SLC5A9: variants seen among roughly 807,000 people sequenced by gnomAD.
SLC5A9 encodes solute carrier family 5 member 9.
In SLC5A9, 59 loss-of-function variants were observed where a neutral mutation model predicts 70.9. That is an observed-to-expected ratio of 0.83 (90% CI 0.68 to 1.03). SLC5A9 has a LOEUF of 1.03. Among genes scored for constraint, SLC5A9 ranks in the 50% least tolerant of loss-of-function variants. The pLI is 0.00. For missense variants in SLC5A9, 832 were observed against 881.1 expected, an observed-to-expected ratio of 0.94 and a Z score of 0.71; for synonymous variants, 340 against 346.5, an observed-to-expected ratio of 0.98 and a Z score of 0.21.
At chr1:48,242,669 A>G in intron 13 of SLC5A9, 53 bp downstream of exon 13, 1 of 1,503,020 alleles carries the variant, frequency 6.7e-7, no homozygotes, top group Non-Finnish European at 8.9e-7. Flanking sequence ...GGGGGGACAG[A>G]CCTATGTCAT....
intron 9 of SLC5A9, 68 bp from the exon 10 acceptor site, chr1:48,235,661 G>T: frequency 6.3e-7 from 1 of 1,587,048 alleles, no homozygotes. Flanking sequence ...TGCTCCAGCA[G>T]CCTCTGTAGT....
rs1408716880 is a variant in SLC5A9 at position 48,247,490 on chromosome 1, A to T, written c.1993A>T (p.Asn665Tyr). Reference sequence around the variant, plus strand: ...ACTCTGGAGACATGTCTGCAACATCAATGCTGTCCTTTTGCTGGCCATCAA... The same window carrying T: ...ACTCTGGAGACATGTCTGCAACATCTATGCTGTCCTTTTGCTGGCCATCAA... Reference protein sequence around the residue: ...EPLWRHVCNINAVLLLAINIF... With the variant: ...EPLWRHVCNIYAVLLLAINIF... The change falls in exon 14 of 14, where the codon AAT becomes TAT. Residue 665 changes from asparagine to tyrosine, a missense_variant. By Grantham distance (143) the Asn-to-Tyr change is moderately radical (BLOSUM62 -2). Coordinates refer to ENST00000438567, the MANE Select transcript of SLC5A9 (RefSeq NM_001011547.3). 1 of 1,614,018 alleles carries T rather than the reference A, an allele frequency of 6.2e-7. No homozygotes were observed. The highest frequency in any genetic ancestry group is 8.5e-7 in the Non-Finnish European group (1 of 1,180,032).
intron 8 of SLC5A9, 31 bp from the exon 9 acceptor site, chr1:48,233,624 C>A (rs372099516): frequency 6.4e-7 from 1 of 1,569,624 alleles, no homozygotes; most frequent in East Asian, 2.2e-5. Context: ...CACGAGATCA[C>A]GGACTCTAAC....
At chr1:48,242,322 C>G (rs1387208637) in intron 12 of SLC5A9, 135 bp from the exon 13 acceptor site, 1 of 1,046,492 alleles carries the variant, frequency 9.6e-7, no homozygotes, top group Non-Finnish European at 1.4e-6. Flanking sequence ...ATCCGGGCCT[C>G]CTGACTCCCA....
rs1208518246 is a variant in SLC5A9 at position 48,235,867 on chromosome 1, T to C, written c.1280T>C (p.Met427Thr). 1.2e-6 allele frequency: 2 copies of C among 1,614,112 alleles called. No individual in the cohort carries two copies. Among genetic ancestry groups the C allele is most frequent in the Admixed American group, 3.3e-5 (2 of 60,022 alleles). ...AGGAAGTCAACAGAGCAGGAGCTGATGGTGGTGGGCAGGTGCGCCGGCCCC... is the reference window on the plus strand; with the variant it reads ...AGGAAGTCAACAGAGCAGGAGCTGACGGTGGTGGGCAGGTGCGCCGGCCCC... ...FRRKSTEQELMVVGRVFVVFL... is the reference protein window; with the variant it reads ...FRRKSTEQELTVVGRVFVVFL... Residue 427 changes from methionine to threonine, a missense_variant, in exon 10 of 14, where the codon ATG becomes ACG. Physicochemically the swap from Met to Thr is moderately conservative, Grantham distance 81. Coordinates refer to ENST00000438567, the MANE Select transcript of SLC5A9 (RefSeq NM_001011547.3).
At chr1:48,223,633 AGT>A in intron 1 of SLC5A9, among the ~76,000 whole-genome samples, 1 of 152,282 alleles carries the variant, frequency 6.6e-6, no homozygotes, top group Admixed American at 6.5e-5. Context: ...ATTCCACAGA[AGT>A]GTGAGCACCT....
At chr1:48,235,683 C>T (rs763062948) in intron 9 of SLC5A9, 46 bp from the exon 10 acceptor site, 6 of 1,610,582 alleles carry the variant, frequency 3.7e-6, no homozygotes, top group South Asian at 2.2e-5. Flanking sequence ...CTGGAAGAGC[C>T]GGCCTTAATG....
intron 9 of SLC5A9, among the ~76,000 whole-genome samples, chr1:48,234,653 A>G (rs10489600): frequency 0.43 from 65,888 of 151,966 alleles, 15,111 homozygotes; most frequent in Middle Eastern, 0.57. Context: ...GGCTTATAAT[A>G]ATATTGAGAT....
At chr1:48,235,325 A>G (rs1435678647) in intron 9 of SLC5A9, among the ~76,000 whole-genome samples, 2 of 152,208 alleles carry the variant, frequency 1.3e-5, no homozygotes, top group Non-Finnish European at 2.9e-5. Context: ...ATTATTAATA[A>G]TCACCTTTCT....
In SLC5A9 at chr1:48,231,606, C is replaced by A. The variant is rs201595035; in HGVS notation, c.672C>A (p.Ala224=). Residue 224 remains alanine (A), a synonymous_variant, in exon 6 of 14, where the codon GCC becomes GCA. Transcript: ENST00000438567. ...ALQTVIMVGG[A]LVLMFLGFQD... ...AGACGGTGATCATGGTAGGGGGAGCCCTGGTCCTCATGTTTCTGGGTAAGG... is the reference window on the plus strand; with the variant it reads ...AGACGGTGATCATGGTAGGGGGAGCACTGGTCCTCATGTTTCTGGGTAAGG... 6 of 1,614,152 alleles carry A rather than the reference C, an allele frequency of 3.7e-6. No homozygotes were observed. In the East Asian group the frequency reaches 1.3e-4, roughly 36 times the overall value.
chr1:48,228,429 C>T lies in SLC5A9; in HGVS notation c.235-421C>T, dbSNP rs1186894648. On this transcript the variant is annotated intron_variant, in intron 2 of 13. Transcript: ENST00000438567. Reference sequence around the variant, plus strand: ...CTGTGCTCAGTCCCTCGGCTCCTCCCTCTGCCTGGCTATCCCTGGGGTGGT... The same window carrying T: ...CTGTGCTCAGTCCCTCGGCTCCTCCTTCTGCCTGGCTATCCCTGGGGTGGT... The T allele has an allele frequency of 1.6e-5, 3 of 187,262 alleles. 1 individual carries two copies. In the South Asian group the frequency reaches 2.9e-4, roughly 18 times the overall value. The allele number at this position is 187,262 out of a possible 1,614,324, so 11.6% of individuals were successfully genotyped here.
intron 10 of SLC5A9, among the ~76,000 whole-genome samples, chr1:48,236,892 C>A (rs943270466): frequency 3.2e-4 from 49 of 152,094 alleles, no homozygotes; most frequent in African/African-American, 9.4e-4. Context: ...ACTTGGGGGG[C>A]TGATGCTCTA....
In SLC5A9 at chr1:48,233,356, A is replaced by C. The variant is rs1447840070; in HGVS notation, c.1034-299A>C. Among the ~76,000 whole-genome samples, 6 of 66,458 alleles carry C rather than the reference A, an allele frequency of 9.0e-5. No homozygotes were observed. The East Asian group carries it at 3.9e-3, about 43-fold the overall frequency. 43.6% of individuals were successfully genotyped at this position (66,458 alleles called of 152,430 possible). A position where few individuals can be genotyped will look rare whatever the true frequency, so the allele number is the denominator to read the frequency against. On this transcript the variant is annotated intron_variant, in intron 8 of 13. Transcript: ENST00000438567. ...AGCCTGAGTGACAGAGCGTGACTCC[A>C]TCTCAAAAAAAAAAAAAAAAAAAAA...
In SLC5A9 at chr1:48,239,340, G is replaced by A. The variant is rs373672831; in HGVS notation, c.1480G>A (p.Val494Met). 9.7e-5 allele frequency: 156 copies of A among 1,611,590 alleles called. 5 individuals are homozygous for A. The highest frequency in any genetic ancestry group is 7.4e-4 in the East Asian group (33 of 44,778). The change falls in exon 12 of 14, where the codon GTG (valine) becomes ATG (methionine). Residue 494 changes from valine (V) to methionine (M), a missense_variant. Transcript: ENST00000438567. The surrounding 1 kb of genome is among the most constrained non-coding windows in gnomAD (Gnocchi z 4.2). ...CTCACAGGGAGCTTTCTGGGGCCTC[G>A]TGTTTGGCCTGGGAGTGGGGCTTCT... ...VTEPGAFWGLVFGLGVGLLRM... is the reference protein window; with the variant it reads ...VTEPGAFWGLMFGLGVGLLRM...
At chr1:48,230,505 G>A in intron 4 of SLC5A9, 95 bp from the exon 5 acceptor site, 2 of 787,968 alleles carry the variant, frequency 2.5e-6, no homozygotes, top group Non-Finnish European at 4.5e-6. Context: ...GAGGGCTGAG[G>A]GTGCCTGGTG....
At chr1:48,244,870 G>GTATA (rs1644438614) in intron 13 of SLC5A9, among the ~76,000 whole-genome samples, 1 of 11,210 alleles carries the variant, frequency 8.9e-5, no homozygotes, top group African/African-American at 4.1e-4. Context: ...GTGTATGTAT[G>GTATA]TGTATGTGTA....
chr1:48,244,902 A>G (rs1163712353), intron 13 of SLC5A9, among the ~76,000 whole-genome samples: 2 of 112,548 alleles, frequency 1.8e-5, no homozygotes, highest in Non-Finnish European at 3.6e-5. Context: ...ATATATATAT[A>G]TATATATAAA....
Position 48,239,227 on chromosome 1 carries a change from AC to A in SLC5A9, c.1462-93del. The A allele has an allele frequency of 1.1e-6, 1 of 902,554 alleles. No individual in the cohort carries two copies. The highest frequency in any genetic ancestry group is 2.3e-5 in the Admixed American group (1 of 42,938). The allele number at this position is 902,554 out of a possible 1,614,324, so 55.9% of individuals were successfully genotyped here. A position where few individuals can be genotyped will look rare whatever the true frequency, so the allele number is the denominator to read the frequency against. ...ATGGATTTGCCCAACATGGCAATAAACCAGTGGGAGAGAGATTTGGGGAGAG... is the reference window on the plus strand; with the variant it reads ...ATGGATTTGCCCAACATGGCAATAAACAGTGGGAGAGAGATTTGGGGAGAG... On this transcript the variant is annotated intron_variant, in intron 11 of 13. Transcript: ENST00000438567. This position sits in a 1 kb window ranked among gnomAD's most constrained non-coding sequence, Gnocchi z 4.2.
rs994343262 is a variant in SLC5A9, at chr1:48,242,522, G to C, written c.1743G>C (p.Glu581Asp). The C allele has an allele frequency of 9.3e-6, 15 of 1,613,864 alleles. No homozygotes were observed. The highest frequency in any genetic ancestry group is 1.2e-5 in the Non-Finnish European group (14 of 1,179,770). Residue 581 changes from glutamate (E) to aspartate (D), a missense_variant, in exon 13 of 14, where the codon GAG (glutamate) becomes GAC (aspartate). By Grantham distance (45) the Glu-to-Asp change is conservative. Transcript: ENST00000438567. ...PLSELEKEAH[E>D]STPEISERPA... ...CTGAGCTGGAGAAGGAGGCCCACGA[G>C]AGCACACCGGAGATATCCGAGAGGC...
Sources: allele counts gnomAD v4.1 joint callset (sites outside exome capture counted in the v4.1 genomes callset), GRCh38; gene constraint gnomAD v4.1.1; non-coding constraint Gnocchi (gnomAD v3.1); transcripts MANE v1.5; gene names NCBI Gene and HGNC (gene_info 2026-07-23, HGNC 2026-07-21).